NDST4: variants seen among roughly 807,000 people sequenced by gnomAD.
NDST4 encodes the protein N-deacetylase and N-sulfotransferase 4, also known as N-heparan sulfate sulfotransferase 4.
Under a neutral mutation model 100.8 loss-of-function variants are expected in NDST4, and 63 were observed. The ratio of observed to expected loss-of-function variants is 0.62; its 90% CI spans 0.51 to 0.77. The LOEUF is 0.77. Among genes scored for constraint, NDST4 ranks in the 30% least tolerant of loss-of-function variants. The pLI is 0.00. For synonymous variants in NDST4, 377 were observed against 361.8 expected (o/e 1.04, Z -0.48); for missense variants, 943 against 1,018.4 (o/e 0.93, Z 1.01).
In NDST4 at chr4:114,986,793, C is replaced by CATACATATATATATATAT. The variant is rs1553959380; in HGVS notation, c.979-9520_979-9519insATATATATATATATGTAT. Among the ~76,000 whole-genome samples, 57 of 91,132 alleles carry CATACATATATATATATAT rather than the reference C, an allele frequency of 6.3e-4. 2 individuals are homozygous for CATACATATATATATATAT. The highest frequency in any genetic ancestry group is 2.2e-3 in the African/African-American group (49 of 22,108). 59.8% of individuals were successfully genotyped at this position (91,132 alleles called of 152,430 possible). On this transcript the variant is annotated intron_variant, in intron 2 of 13. Coordinates refer to ENST00000264363, the MANE Select transcript of NDST4 (RefSeq NM_022569.3). Reference sequence around the variant, plus strand: ...CCTCTAAGCCTGGTATCCAATTATACATATATATATATATATATATATATA... The same window carrying CATACATATATATATATAT: ...CCTCTAAGCCTGGTATCCAATTATACATACATATATATATATATATATATATATATATATATATATATA...
At chr4:114,839,260 G>A in intron 11 of NDST4, 118 bp downstream of exon 11, 1 of 856,638 alleles carries the variant, frequency 1.2e-6, no homozygotes, top group Non-Finnish European at 1.7e-6. Flanking sequence ...TTTTCTGCTT[G>A]TCAGTGCAAT....
At chr4:114,972,897 A>C (rs1396171193) in intron 3 of NDST4, among the ~76,000 whole-genome samples, 1 of 152,080 alleles carries the variant, frequency 6.6e-6, no homozygotes, top group Non-Finnish European at 1.5e-5. Context: ...ATAAAATCTT[A>C]GCAATTTTTA....
chr4:114,945,964 T>C (rs1560825204), intron 4 of NDST4, among the ~76,000 whole-genome samples: 1 of 152,192 alleles, frequency 6.6e-6, no homozygotes, highest in Non-Finnish European at 1.5e-5. Context: ...AATGGATTTT[T>C]CTTTTGACAA....
In NDST4 at chr4:114,940,248, G is replaced by A. The variant is rs1421597980; in HGVS notation, c.1222-2745C>T. ...ACAAATATTCAGAGGGGTTTGACTTGATCTAATGTTTCCAGTCCATTAAAT... is the reference window on the plus strand; with the variant it reads ...ACAAATATTCAGAGGGGTTTGACTTAATCTAATGTTTCCAGTCCATTAAAT... On this transcript the variant is annotated intron_variant, in intron 4 of 13. Transcript: ENST00000264363. 3.9e-5 allele frequency among the ~76,000 whole-genome samples: 6 copies of A among 152,090 alleles called. No individual in the cohort carries two copies. In the South Asian group the frequency reaches 8.3e-4, roughly 21 times the overall value.
At chr4:115,068,701 C>T (rs184675742) in intron 2 of NDST4, among the ~76,000 whole-genome samples, 251 of 149,962 alleles carry the variant, frequency 1.7e-3, no homozygotes, top group African/African-American at 5.8e-3. Flanking sequence ...CCTGCATTCC[C>T]AGCTACTCAG....
intron 2 of NDST4, among the ~76,000 whole-genome samples, chr4:114,979,489 T>C (rs2126245284): frequency 6.6e-6 from 1 of 151,412 alleles, no homozygotes; most frequent in South Asian, 2.1e-4. Flanking sequence ...TACACAGCAA[T>C]AATTGGATTA....
Position 114,949,677 on chromosome 4 carries a change from T to G in NDST4, c.1222-12174A>C, listed in dbSNP as rs1198684290. Among the ~76,000 whole-genome samples, 8 of 152,214 alleles carry G rather than the reference T, an allele frequency of 5.3e-5. No individual in the cohort carries two copies. In the South Asian group the frequency reaches 1.5e-3, roughly 28 times the overall value. ...CCCAGCAATATCTAGCCTCCTTTTATGAAGCTTTCCTGGAAGCCCCATACT... is the reference window on the plus strand; with the variant it reads ...CCCAGCAATATCTAGCCTCCTTTTAGGAAGCTTTCCTGGAAGCCCCATACT... On this transcript the variant is annotated intron_variant, in intron 4 of 13. Transcript: ENST00000264363.
intron 6 of NDST4, among the ~76,000 whole-genome samples, chr4:114,892,132 A>G (rs1316831276): frequency 6.6e-6 from 1 of 152,130 alleles, no homozygotes; most frequent in Admixed American, 6.6e-5. Flanking sequence ...TATTTTTCCT[A>G]TTGAATTGGA....
At chr4:114,859,128 T>C (rs940888253) in intron 7 of NDST4, among the ~76,000 whole-genome samples, 2 of 152,160 alleles carry the variant, frequency 1.3e-5, no homozygotes, top group Non-Finnish European at 2.9e-5. Flanking sequence ...CAGACTACCA[T>C]AGTGTACTCC....
chr4:114,956,565 T>A (rs1359867158), intron 4 of NDST4, among the ~76,000 whole-genome samples: 1 of 152,136 alleles, frequency 6.6e-6, no homozygotes, highest in Admixed American at 6.5e-5. Flanking sequence ...GTGCCTTTTG[T>A]CAAAAGCAAT....
At chr4:115,039,285 CAACCTTAG>C (rs1728298355) in intron 2 of NDST4, among the ~76,000 whole-genome samples, 2 of 152,134 alleles carry the variant, frequency 1.3e-5, no homozygotes. Flanking sequence ...CATTGCACAT[CAACCTTAG>C]AAGAGCTGCT....
Position 114,986,832 on chromosome 4 carries a change from A to ATATATATATATATATATTTTTT in NDST4, c.979-9559_979-9558insAAAAAATATATATATATATATA. 7.8e-4 allele frequency among the ~76,000 whole-genome samples: 74 copies of ATATATATATATATATATTTTTT among 94,626 alleles called. 4 individuals carry two copies. The highest frequency in any genetic ancestry group is 9.5e-4 in the Admixed American group (8 of 8,386). 62.1% of individuals were successfully genotyped at this position (94,626 alleles called of 152,430 possible). ...TATATATATATATATATATATATAT[A>ATATATATATATATATATTTTTT]TTTTAATATACTATTCCTATAAGCT... is the stretch of plus-strand genomic sequence containing the variant. On this transcript the variant is annotated intron_variant, in intron 2 of 13. Coordinates refer to ENST00000264363, the MANE Select transcript of NDST4 (RefSeq NM_022569.3).
intron 2 of NDST4, among the ~76,000 whole-genome samples, chr4:115,050,461 G>A (rs1231086502): frequency 6.6e-6 from 1 of 151,820 alleles, no homozygotes; most frequent in Admixed American, 6.6e-5. Context: ...TAGAATGTAA[G>A]ATTGTTGGTT....
rs111659051 is a variant in NDST4 at position 115,038,785 on chromosome 4, G to T, written c.978+37274C>A. 6.5e-3 allele frequency among the ~76,000 whole-genome samples: 982 copies of T among 152,180 alleles called. 13 individuals carry two copies. Among genetic ancestry groups the T allele is most frequent in the African/African-American group, 0.022 (921 of 41,534 alleles). On this transcript the variant is annotated intron_variant, in intron 2 of 13. Transcript: ENST00000264363. ...GAGTCCAGGAGTTCAAGACCAGCTT[G>T]GGCAACATAGTAAAACCCTGTGTCC...
In NDST4 at chr4:115,002,625, A is replaced by C. The variant is rs553592543; in HGVS notation, c.979-25351T>G. Among the ~76,000 whole-genome samples, 7 of 152,052 alleles carry C rather than the reference A, an allele frequency of 4.6e-5. 1 individual carries two copies. Among genetic ancestry groups the C allele is most frequent in the Admixed American group, 4.6e-4 (7 of 15,240 alleles). Reference sequence around the variant, plus strand: ...GTGTTCTTCTAGTTTTTATGGTTTTAGGTTTTACATTTAAGCCTTTAAACC... The same window carrying C: ...GTGTTCTTCTAGTTTTTATGGTTTTCGGTTTTACATTTAAGCCTTTAAACC... On this transcript the variant is annotated intron_variant, in intron 2 of 13. Coordinates refer to ENST00000264363, the MANE Select transcript of NDST4 (RefSeq NM_022569.3).
chr4:114,843,671 T>C (rs1723480358), intron 10 of NDST4, among the ~76,000 whole-genome samples: 1 of 152,172 alleles, frequency 6.6e-6, no homozygotes, highest in Non-Finnish European at 1.5e-5. Flanking sequence ...TTTGGAATTG[T>C]TGTCACGCCT....
Position 115,072,702 on chromosome 4 carries a change from A to G in NDST4, c.978+3357T>C, listed in dbSNP as rs578126532. On this transcript the variant is annotated intron_variant, in intron 2 of 13. Transcript: ENST00000264363. ...AAAAACAACTTAAAATAGATGAAAGACTTAATTGTAGGATCTAAGCCCATA... is the reference window on the plus strand; with the variant it reads ...AAAAACAACTTAAAATAGATGAAAGGCTTAATTGTAGGATCTAAGCCCATA... Among the ~76,000 whole-genome samples the G allele has an allele frequency of 7.9e-5, 12 of 152,092 alleles. No individual in the cohort carries two copies. In the South Asian group the frequency reaches 2.5e-3, roughly 32 times the overall value.
At chr4:114,970,121 A>G (rs1726476563) in intron 4 of NDST4, among the ~76,000 whole-genome samples, 1 of 149,976 alleles carries the variant, frequency 6.7e-6, no homozygotes, top group Non-Finnish European at 1.5e-5. Context: ...CAAGAATGAA[A>G]GTTGTACTAT....
chr4:115,029,754 C>T (rs1229555842), intron 2 of NDST4, among the ~76,000 whole-genome samples: 1 of 151,990 alleles, frequency 6.6e-6, no homozygotes, highest in Non-Finnish European at 1.5e-5. Flanking sequence ...TCCCAAACTT[C>T]CCTACTGGAC....
Sources: allele counts gnomAD v4.1 joint callset (sites outside exome capture counted in the v4.1 genomes callset), GRCh38; gene constraint gnomAD v4.1.1; transcripts MANE v1.5; gene names NCBI Gene and HGNC (gene_info 2026-07-23, HGNC 2026-07-21).